BABAM2: variants seen among roughly 807,000 people sequenced by gnomAD.
BABAM2 encodes the protein BRISC and BRCA1-A complex member 2.
Under a neutral mutation model 54.7 loss-of-function variants are expected in BABAM2, and 31 were observed. That is an observed-to-expected ratio of 0.57 (90% CI 0.43 to 0.77). The LOEUF (loss-of-function observed/expected upper bound fraction) is 0.77. Ranked by LOEUF, BABAM2 falls within the 30% of genes least tolerant of loss-of-function variation. The probability of loss-of-function intolerance (pLI) is 0.00; values close to 1 mark genes in which losing one functional copy is unlikely to be tolerated. For missense variants in BABAM2, 364 were observed against 455.8 expected (o/e 0.80, Z 1.83); for synonymous variants, 167 against 162.9 (o/e 1.03, Z -0.19).
intron 9 of BABAM2, among the ~76,000 whole-genome samples, chr2:28,244,301 C>G (rs922872403): frequency 6.6e-6 from 1 of 152,132 alleles, no homozygotes; most frequent in Non-Finnish European, 1.5e-5. Flanking sequence ...TTGCATATTA[C>G]TATGTAGTGC....
chr2:28,076,481 T>TTTATTTAG (rs1553312191), intron 6 of BABAM2, among the ~76,000 whole-genome samples: 9 of 146,434 alleles, frequency 6.1e-5, no homozygotes, highest in African/African-American at 2.1e-4. Context: ...TATTTATTTA[T>TTTATTTAG]TTAGTTAGTT....
intron 10 of BABAM2, among the ~76,000 whole-genome samples, chr2:28,270,808 C>G (rs1460029465): frequency 1.3e-5 from 2 of 152,194 alleles, no homozygotes; most frequent in Non-Finnish European, 2.9e-5. Context: ...TGCCTAAGAT[C>G]CCACAGGTGG....
intron 10 of BABAM2, among the ~76,000 whole-genome samples, chr2:28,296,341 A>G (rs1687693989): frequency 6.6e-6 from 1 of 152,252 alleles, no homozygotes; most frequent in African/African-American, 2.4e-5. Context: ...TGGCACCAAC[A>G]GACATGTATT....
At chr2:28,235,083 A>G (rs1385283533) in intron 7 of BABAM2, among the ~76,000 whole-genome samples, 1 of 152,254 alleles carries the variant, frequency 6.6e-6, no homozygotes, top group African/African-American at 2.4e-5. Flanking sequence ...GAAAAAGTCA[A>G]TACTGAATAT....
chr2:28,181,053 GT>G (rs1333285649), intron 7 of BABAM2, among the ~76,000 whole-genome samples: 1 of 152,130 alleles, frequency 6.6e-6, no homozygotes, highest in Non-Finnish European at 1.5e-5. Context: ...CAGTATGGAG[GT>G]TTCTTGCAAA....
chr2:28,146,274 A>G (rs1036571798), intron 7 of BABAM2, among the ~76,000 whole-genome samples: 6 of 152,178 alleles, frequency 3.9e-5, no homozygotes, highest in African/African-American at 1.4e-4. Context: ...AAGTCAGCAG[A>G]CTATTCTTAA....
At chr2:28,162,041 AACTAACT>A (rs777490356) in intron 7 of BABAM2, among the ~76,000 whole-genome samples, 6 of 152,220 alleles carry the variant, frequency 3.9e-5, no homozygotes, top group Non-Finnish European at 7.3e-5. Flanking sequence ...CTTCTCTTCA[AACTAACT>A]ACTAATTCCT....
chr2:28,052,275 GT>G (rs796067357), intron 6 of BABAM2, among the ~76,000 whole-genome samples: 3 of 142,692 alleles, frequency 2.1e-5, no homozygotes, highest in Non-Finnish European at 3.1e-5. Flanking sequence ...CATAGAGAAG[GT>G]TTTTTTTTTG....
chr2:27,902,058 A>G (rs1665830735), intron 2 of BABAM2, among the ~76,000 whole-genome samples: 1 of 152,106 alleles, frequency 6.6e-6, no homozygotes, highest in Admixed American at 6.6e-5. Context: ...TATGCCCTTA[A>G]TTTTAAATTC....
intron 4 of BABAM2, among the ~76,000 whole-genome samples, chr2:27,988,417 A>G (rs1672553663): frequency 6.6e-6 from 1 of 152,116 alleles, no homozygotes; most frequent in African/African-American, 2.4e-5. Flanking sequence ...TCAATTTTCT[A>G]ATGTTTACTA....
At chr2:28,107,826 A>C (rs1667661748) in intron 6 of BABAM2, among the ~76,000 whole-genome samples, 1 of 152,242 alleles carries the variant, frequency 6.6e-6, no homozygotes. Flanking sequence ...TGCCCAACAC[A>C]TAGTGGGGCA....
Position 28,131,236 on chromosome 2 carries a change from T to C in BABAM2, c.680+1856T>C, listed in dbSNP as rs184779873. Among the ~76,000 whole-genome samples, 2 of 49,674 alleles carry C rather than the reference T, an allele frequency of 4.0e-5. 1 individual carries two copies. The highest frequency in any genetic ancestry group is 6.3e-4 in the East Asian group (2 of 3,192). The allele number at this position is 49,674 out of a possible 152,430, so 32.6% of individuals were successfully genotyped here. ...AGCTGGGACTACAGGCGCCCGCCAC[T>C]ACGCCCGGCTAATTTTTTGTATTTT... On this transcript the variant is annotated intron_variant, in intron 7 of 11. Transcript: ENST00000379624.
intron 3 of BABAM2, among the ~76,000 whole-genome samples, chr2:27,967,691 C>G (rs1670925461): frequency 6.6e-6 from 1 of 152,114 alleles, no homozygotes; most frequent in Non-Finnish European, 1.5e-5. Flanking sequence ...TGTTGAATGG[C>G]TTTGACCAAA....
chr2:28,179,004 TC>T (rs1472882751), intron 7 of BABAM2, among the ~76,000 whole-genome samples: 2 of 151,944 alleles, frequency 1.3e-5, no homozygotes, highest in Admixed American at 1.3e-4. Context: ...ATAAAAACTC[TC>T]CCAACAAAGA....
chr2:27,895,720 A>G (rs959802740), intron 2 of BABAM2, among the ~76,000 whole-genome samples: 3 of 152,144 alleles, frequency 2.0e-5, no homozygotes, highest in African/African-American at 7.2e-5. Flanking sequence ...GCATCCATGG[A>G]TGATTCTTGC....
intron 6 of BABAM2, among the ~76,000 whole-genome samples, chr2:28,082,960 T>C (rs1665307509): frequency 1.3e-5 from 2 of 152,142 alleles, no homozygotes; most frequent in African/African-American, 4.8e-5. Context: ...CCTAGACTCA[T>C]TCCCACTTTG....
intron 10 of BABAM2, among the ~76,000 whole-genome samples, chr2:28,276,975 G>T: frequency 6.6e-6 from 1 of 152,178 alleles, no homozygotes; most frequent in African/African-American, 2.4e-5. Flanking sequence ...CCATTGCTTT[G>T]TTCTGAGGCG....
intron 2 of BABAM2, among the ~76,000 whole-genome samples, chr2:27,911,511 A>T (rs1256157755): frequency 6.6e-6 from 1 of 152,140 alleles, no homozygotes; most frequent in African/African-American, 2.4e-5. Flanking sequence ...AGAAGAAAAG[A>T]TTATAGAAAA....
chr2:28,081,315 A>G (rs1209098015), intron 6 of BABAM2, among the ~76,000 whole-genome samples: 1 of 152,200 alleles, frequency 6.6e-6, no homozygotes, highest in Non-Finnish European at 1.5e-5. Flanking sequence ...CTTTTCTAGA[A>G]GAAGAACTTA....
Sources: allele counts gnomAD v4.1 joint callset (sites outside exome capture counted in the v4.1 genomes callset), GRCh38; gene constraint gnomAD v4.1.1; transcripts MANE v1.5; gene names NCBI Gene and HGNC (gene_info 2026-07-23, HGNC 2026-07-21).